SAMMSON: variants seen among roughly 807,000 people sequenced by gnomAD.
SAMMSON encodes survival associated mitochondrial melanoma specific oncogenic non-coding RNA.
intron 4 of SAMMSON, among the ~76,000 whole-genome samples, chr3:70,229,210 A>G (rs527891447): frequency 1.1e-4 from 17 of 152,330 alleles, no homozygotes; most frequent in African/African-American, 3.4e-4. Context: ...AAAAGGTGTC[A>G]GAGGAGGAAT....
chr3:70,037,686 A>C (rs989862653), intron 3 of SAMMSON, among the ~76,000 whole-genome samples: 1 of 152,092 alleles, frequency 6.6e-6, no homozygotes, highest in Non-Finnish European at 1.5e-5. Flanking sequence ...CTCCAATGCT[A>C]TTTCACTCAT....
intron 2 of SAMMSON, among the ~76,000 whole-genome samples, chr3:70,431,172 T>G (rs1277405024): frequency 6.6e-6 from 1 of 152,104 alleles, no homozygotes; most frequent in African/African-American, 2.4e-5. Flanking sequence ...CAAAATGCTT[T>G]CAACTTTGAA....
chr3:70,178,549 A>G (rs1174542494), intron 4 of SAMMSON, among the ~76,000 whole-genome samples: 1 of 152,180 alleles, frequency 6.6e-6, no homozygotes, highest in African/African-American at 2.4e-5. Context: ...GAAGGGACTA[A>G]TGTTTTGAAA....
chr3:70,150,819 G>A (rs2067568367), intron 4 of SAMMSON, among the ~76,000 whole-genome samples: 1 of 151,966 alleles, frequency 6.6e-6, no homozygotes, highest in Non-Finnish European at 1.5e-5. Flanking sequence ...TGGAGCCTGG[G>A]AAATATGGAG....
chr3:70,388,001 G>A (rs1364949224), intron 9 of SAMMSON, among the ~76,000 whole-genome samples: 1 of 151,902 alleles, frequency 6.6e-6, no homozygotes, highest in Non-Finnish European at 1.5e-5. Context: ...TTGTTTGTTT[G>A]TTAATCTCTC....
intron 4 of SAMMSON, among the ~76,000 whole-genome samples, chr3:70,093,876 T>C (rs2067313916): frequency 6.6e-6 from 1 of 152,204 alleles, no homozygotes; most frequent in Admixed American, 6.5e-5. Context: ...AGCTTTTTGA[T>C]TCTTAAATGG....
chr3:70,420,122 C>T lies in SAMMSON; in HGVS notation n.234-42438C>T, dbSNP rs181194322. Among the ~76,000 whole-genome samples the T allele has an allele frequency of 2.6e-5, 4 of 152,280 alleles. No homozygotes were observed. In the East Asian group the frequency reaches 7.7e-4, roughly 29 times the overall value. ...AATTTTCTGGCTCAGTGTCCATGTC[C>T]TTGGATAGTAGAGGTGAATTTACTT... is the stretch of plus-strand genomic sequence containing the variant. On this transcript the variant is annotated intron_variant and non_coding_transcript_variant, in intron 2 of 3. Transcript: ENST00000641053.
intron 2 of SAMMSON, among the ~76,000 whole-genome samples, chr3:70,402,587 T>C (rs541827522): frequency 6.6e-6 from 1 of 152,230 alleles, no homozygotes; most frequent in African/African-American, 2.4e-5. Flanking sequence ...ATGGGCTAGG[T>C]GTAGTGGCTT....
At chr3:70,143,625 A>G (rs1205981434) in intron 4 of SAMMSON, among the ~76,000 whole-genome samples, 1 of 152,064 alleles carries the variant, frequency 6.6e-6, no homozygotes, top group Non-Finnish European at 1.5e-5. Flanking sequence ...GGGTGGAAGG[A>G]GAGTGAAGTA....
At chr3:70,378,851 T>G (rs1703042054) in intron 9 of SAMMSON, among the ~76,000 whole-genome samples, 1 of 151,898 alleles carries the variant, frequency 6.6e-6, no homozygotes, top group Admixed American at 6.6e-5. Context: ...TAATGAACAG[T>G]GAAGAGAAAT....
chr3:70,299,672 G>A (rs1381767828), intron 7 of SAMMSON, among the ~76,000 whole-genome samples: 8 of 152,046 alleles, frequency 5.3e-5, no homozygotes, highest in African/African-American at 1.4e-4. Flanking sequence ...ATTTGTGGAT[G>A]CAACAAGCTT....
chr3:70,228,978 A>T (rs1329808585), intron 4 of SAMMSON, among the ~76,000 whole-genome samples: 1 of 152,192 alleles, frequency 6.6e-6, no homozygotes, highest in African/African-American at 2.4e-5. Flanking sequence ...AACACGGAGA[A>T]TACCATGTAA....
In SAMMSON at chr3:70,250,409, T is replaced by TCACACA. The variant is rs1491108341; in HGVS notation, n.674+740_674+741insACACAC. On this transcript the variant is annotated intron_variant and non_coding_transcript_variant, in intron 6 of 9. Transcript: ENST00000642114. ...TATTCGGTATTTTTCTTTTAATGAATCTCACACACACACACACACACACAC... is the reference window on the plus strand; with the variant it reads ...TATTCGGTATTTTTCTTTTAATGAATCACACACTCACACACACACACACACACACAC... 7.6e-3 allele frequency among the ~76,000 whole-genome samples: 960 copies of TCACACA among 126,324 alleles called. 11 individuals are homozygous for TCACACA. Among genetic ancestry groups the TCACACA allele is most frequent in the African/African-American group, 0.027 (892 of 32,560 alleles). The allele number at this position is 126,324 out of a possible 152,430, so 82.9% of individuals were successfully genotyped here.
chr3:70,284,708 C>A (rs532635999), intron 6 of SAMMSON, among the ~76,000 whole-genome samples: 1 of 152,134 alleles, frequency 6.6e-6, no homozygotes, highest in Non-Finnish European at 1.5e-5. Context: ...GAACACATGG[C>A]CACAGGGAGG....
rs1361662240 is a variant in SAMMSON, at chr3:70,126,678, C to A, written n.507+55113C>A. 1.1e-4 allele frequency: 30 copies of A among 281,060 alleles called. 2 individuals carry two copies. In the South Asian group the frequency reaches 1.2e-3, roughly 11 times the overall value. The allele number at this position is 281,060 out of a possible 1,614,324, so 17.4% of individuals were successfully genotyped here. A position where few individuals can be genotyped will look rare whatever the true frequency, so the allele number is the denominator to read the frequency against. Reference sequence around the variant, plus strand: ...TCAAGATTAATTGTGAAAAGCTGGGCAAGGCTAAGAAGTTAGGTTTTGTTT... The same window carrying A: ...TCAAGATTAATTGTGAAAAGCTGGGAAAGGCTAAGAAGTTAGGTTTTGTTT... On this transcript the variant is annotated intron_variant and non_coding_transcript_variant, in intron 4 of 9. Transcript: ENST00000642114.
At chr3:70,342,296 T>C (rs984527096) in intron 7 of SAMMSON, among the ~76,000 whole-genome samples, 1 of 152,220 alleles carries the variant, frequency 6.6e-6, no homozygotes, top group African/African-American at 2.4e-5. Flanking sequence ...GGTGACTCAC[T>C]TCAAACTTGT....
intron 7 of SAMMSON, among the ~76,000 whole-genome samples, chr3:70,345,315 G>A (rs1263888419): frequency 1.3e-5 from 2 of 152,134 alleles, no homozygotes; most frequent in Non-Finnish European, 2.9e-5. Flanking sequence ...AGTGGAGTCT[G>A]TTCTTACATA....
intron 9 of SAMMSON, among the ~76,000 whole-genome samples, chr3:70,371,993 G>A (rs1221246551): frequency 1.3e-5 from 2 of 152,046 alleles, no homozygotes; most frequent in Admixed American, 6.6e-5. Context: ...CCTTTATTAT[G>A]TTGAGGTATG....
intron 7 of SAMMSON, among the ~76,000 whole-genome samples, chr3:70,306,745 A>G (rs1005583091): frequency 3.9e-5 from 6 of 152,140 alleles, no homozygotes; most frequent in South Asian, 2.1e-4. Flanking sequence ...TTTTTCCCCT[A>G]TTGGTGACAA....
Sources: allele counts gnomAD v4.1 joint callset (sites outside exome capture counted in the v4.1 genomes callset), GRCh38; gene constraint gnomAD v4.1.1; transcripts MANE v1.5; gene names NCBI Gene and HGNC (gene_info 2026-07-23, HGNC 2026-07-21).